Variants in RUNX2 observed in about 807,000 individuals in gnomAD.
The protein encoded by RUNX2 is runt-related transcription factor 2.
A neutral mutation model predicts 51.7 loss-of-function variants in RUNX2; 10 were observed. The observed-to-expected ratio is 0.19, with a 90% CI of 0.12 to 0.33. The LOEUF (loss-of-function observed/expected upper bound fraction) is 0.33. Ranked by LOEUF, RUNX2 falls within the 10% of genes least tolerant of loss-of-function variation. The pLI is 1.00. For synonymous variants in RUNX2, 276 were observed against 273.6 expected (o/e 1.01, Z -0.09); for missense variants, 562 against 691.3 (o/e 0.81, Z 2.10).
At chr6:45,364,112 C>T (rs919793283) in intron 2 of RUNX2, among the ~76,000 whole-genome samples, 3 of 91,004 alleles carry the variant, frequency 3.3e-5, no homozygotes, top group African/African-American at 1.4e-4. Context: ...GAGACTCTGT[C>T]TCAAAAAAAA....
intron 7 of RUNX2, among the ~76,000 whole-genome samples, chr6:45,515,291 A>C (rs1360112987): frequency 6.6e-6 from 1 of 152,194 alleles, no homozygotes; most frequent in East Asian, 1.9e-4. Flanking sequence ...TACATATATC[A>C]GGCAACTTCT....
chr6:45,531,943 T>G (rs1462311471), intron 7 of RUNX2, among the ~76,000 whole-genome samples: 1 of 152,022 alleles, frequency 6.6e-6, no homozygotes, highest in Non-Finnish European at 1.5e-5. Flanking sequence ...GAAAGAGAAA[T>G]AGCTCACGTG....
intron 2 of RUNX2, among the ~76,000 whole-genome samples, chr6:45,404,808 A>T (rs982501295): frequency 1.3e-5 from 2 of 152,248 alleles, no homozygotes; most frequent in East Asian, 3.8e-4. Context: ...TCCCTTCATG[A>T]ATGTATTTCT....
At chr6:45,472,223 G>C (rs1342451170) in intron 5 of RUNX2, among the ~76,000 whole-genome samples, 1 of 152,120 alleles carries the variant, frequency 6.6e-6, no homozygotes, top group African/African-American at 2.4e-5. Flanking sequence ...GCAAAAACTA[G>C]ATGTAAAGGT....
chr6:45,447,293 A>C (rs1045263800), intron 5 of RUNX2, among the ~76,000 whole-genome samples: 4 of 152,214 alleles, frequency 2.6e-5, no homozygotes, highest in Non-Finnish European at 5.9e-5. Context: ...AGCAATGAGC[A>C]TTCCTGATGC....
In RUNX2 at chr6:45,328,643, T is replaced by C. The variant is rs760237156; in HGVS notation, c.-66-18T>C. 8.1e-6 allele frequency: 13 copies of C among 1,610,450 alleles called. No homozygotes were observed. The Admixed American group carries it at 1.3e-4, about 17-fold the overall frequency. Reference sequence around the variant, plus strand: ...CTGTAAAACTAAAACAAGGTTTGGGTATGGTTTGTATTTTCAGTTTAAGGC... The same window carrying C: ...CTGTAAAACTAAAACAAGGTTTGGGCATGGTTTGTATTTTCAGTTTAAGGC... On this transcript the variant is annotated intron_variant, in intron 1 of 8. Transcript: ENST00000647337.
intron 2 of RUNX2, among the ~76,000 whole-genome samples, chr6:45,347,805 T>G (rs1401986937): frequency 6.6e-6 from 1 of 151,980 alleles, no homozygotes; most frequent in Non-Finnish European, 1.5e-5. Context: ...ACACTGTTTG[T>G]CTATTTATCA....
rs770552169 is a variant in RUNX2, at chr6:45,547,863, A to C, written c.*558A>C. 4.4e-5 allele frequency: 7 copies of C among 158,480 alleles called. No homozygotes were observed. Among genetic ancestry groups the C allele is most frequent in the Admixed American group, 2.4e-4 (4 of 16,916 alleles). 9.8% of individuals were successfully genotyped at this position (158,480 alleles called of 1,614,324 possible). On this transcript the variant is annotated 3_prime_UTR_variant, in exon 9 of 9. Coordinates refer to ENST00000647337, the MANE Select transcript of RUNX2 (RefSeq NM_001024630.4). The stretch of plus-strand genomic sequence containing the variant: ...ACTCTTCCAATTTCTGCTTTCAGAC[A>C]TGCTGCAGGTCCTCATCTGAACTGT...
intron 2 of RUNX2, 186 bp from the exon 3 acceptor site, chr6:45,422,407 G>A (rs1018613218): frequency 1.6e-6 from 1 of 622,214 alleles, no homozygotes. Context: ...TGGCCCATCA[G>A]ACTCCGCCCG....
chr6:45,384,603 A>G (rs1490906545), intron 2 of RUNX2, among the ~76,000 whole-genome samples: 1 of 150,808 alleles, frequency 6.6e-6, no homozygotes, highest in Non-Finnish European at 1.5e-5. Context: ...AGTTTTTATT[A>G]TAATTAGTTA....
chr6:45,342,755 C>G (rs1341382269), intron 2 of RUNX2, among the ~76,000 whole-genome samples: 1 of 151,948 alleles, frequency 6.6e-6, no homozygotes, highest in African/African-American at 2.4e-5. Context: ...GTTTTAAAAG[C>G]TTATTTTTCC....
chr6:45,357,158 C>T (rs1793365422), intron 2 of RUNX2, among the ~76,000 whole-genome samples: 1 of 151,956 alleles, frequency 6.6e-6, no homozygotes, highest in African/African-American at 2.4e-5. Flanking sequence ...AGGCACCCGC[C>T]ACCAAGCCTG....
At chr6:45,416,281 TA>T (rs1798067780) in intron 2 of RUNX2, among the ~76,000 whole-genome samples, 1 of 152,042 alleles carries the variant, frequency 6.6e-6, no homozygotes, top group African/African-American at 2.4e-5. Context: ...CAAATGTTGA[TA>T]TTTTTAGTAC....
intron 2 of RUNX2, among the ~76,000 whole-genome samples, chr6:45,373,044 C>A (rs1029576464): frequency 5.9e-5 from 9 of 151,988 alleles, no homozygotes; most frequent in Non-Finnish European, 1.3e-4. Flanking sequence ...TGACCTCAGG[C>A]GATCCACCTG....
intron 5 of RUNX2, among the ~76,000 whole-genome samples, chr6:45,489,097 A>T (rs1201770356): frequency 6.6e-6 from 1 of 152,156 alleles, no homozygotes; most frequent in Non-Finnish European, 1.5e-5. Context: ...TACTTCATAC[A>T]TTATGAAGAG....
intron 7 of RUNX2, among the ~76,000 whole-genome samples, chr6:45,527,640 T>C (rs914929527): frequency 2.0e-5 from 3 of 152,246 alleles, no homozygotes; most frequent in Admixed American, 1.3e-4. Flanking sequence ...AGTGAAGTGG[T>C]AATTCAGGAG....
chr6:45,442,209 C>T (rs1320711416), intron 5 of RUNX2, among the ~76,000 whole-genome samples: 1 of 152,172 alleles, frequency 6.6e-6, no homozygotes, highest in African/African-American at 2.4e-5. Context: ...CACATCTTTA[C>T]AAAATGCCAT....
chr6:45,413,484 G>A (rs1797999038), intron 2 of RUNX2, among the ~76,000 whole-genome samples: 1 of 129,316 alleles, frequency 7.7e-6, no homozygotes, highest in Non-Finnish European at 1.5e-5. Context: ...AGGCTGGAGT[G>A]CAGTGGAGTG....
chr6:45,470,561 G>T (rs996271035), intron 5 of RUNX2, among the ~76,000 whole-genome samples: 3 of 152,180 alleles, frequency 2.0e-5, no homozygotes, highest in Non-Finnish European at 4.4e-5. Context: ...CCACAGATTT[G>T]GGGGATGAGA....
Sources: allele counts gnomAD v4.1 joint callset (sites outside exome capture counted in the v4.1 genomes callset), GRCh38; gene constraint gnomAD v4.1.1; transcripts MANE v1.5; gene names NCBI Gene and HGNC (gene_info 2026-07-23, HGNC 2026-07-21).